Variants in TNRC18 observed in about 807,000 individuals in gnomAD.
TNRC18 encodes trinucleotide repeat-containing gene 18 protein.
A neutral mutation model predicts 226.7 loss-of-function variants in TNRC18; 69 were observed. That is an observed-to-expected ratio of 0.30 (90% confidence interval 0.25 to 0.37). The LOEUF (loss-of-function observed/expected upper bound fraction) is 0.37, where lower values mean the gene tolerates loss of function less well. TNRC18 is among the 10% of genes least tolerant of loss of function. The pLI is 1.00. For missense variants in TNRC18, 4,754 were observed against 4,256.6 expected, an observed-to-expected ratio of 1.12 and a Z score of -3.25; for synonymous variants, 2,449 against 1,927.6, an observed-to-expected ratio of 1.27 and a Z score of -7.09.
chr7:5,355,547 T>C (rs1422727139), intron 16 of TNRC18, among the ~76,000 whole-genome samples: 1 of 151,680 alleles, frequency 6.6e-6, no homozygotes, highest in Non-Finnish European at 1.5e-5. Flanking sequence ...AGGCCAGGAG[T>C]TCCAGACTAG....
chr7:5,329,471 G>T (rs1423767618), intron 19 of TNRC18, among the ~76,000 whole-genome samples: 1 of 151,758 alleles, frequency 6.6e-6, no homozygotes, highest in Non-Finnish European at 1.5e-5. Flanking sequence ...ATCATTTGAG[G>T]TCAGGAGTTC....
intron 5 of TNRC18, among the ~76,000 whole-genome samples, chr7:5,380,691 G>A (rs1779339067): frequency 1.3e-5 from 2 of 152,326 alleles, no homozygotes; most frequent in South Asian, 4.1e-4. Context: ...CCCTCAGTCA[G>A]GACTGCAAGG....
In TNRC18 at chr7:5,388,962, C is replaced by G; in HGVS notation, c.862G>C (p.Ala288Pro). 1.4e-6 allele frequency: 2 copies of G among 1,387,086 alleles called. No individual in the cohort carries two copies. The highest frequency in any genetic ancestry group is 1.9e-6 in the Non-Finnish European group (2 of 1,065,278). The allele number at this position is 1,387,086 out of a possible 1,614,324, so 85.9% of individuals were successfully genotyped here. ...AGCGCGGGCAGCCCCACGTCCCCGG[C>G]GCCGCCGTTGCACATGGTCAGTACC... ...PSVLTMCNGG[A>P]GDVGLPALVA... Residue 288 changes from alanine (A) to proline (P), a missense_variant, in exon 5 of 30, where the codon GCC becomes CCC. Ala to Pro is a conservative substitution (Grantham distance 27). Transcript: ENST00000430969.
chr7:5,390,763 C>T, intron 3 of TNRC18, 135 bp from the exon 4 acceptor site: 7 of 1,036,698 alleles, frequency 6.8e-6, no homozygotes, highest in Non-Finnish European at 9.5e-6. Flanking sequence ...ACAGCAGCTC[C>T]TCAGGGCAAT....
intron 24 of TNRC18, among the ~76,000 whole-genome samples, chr7:5,318,007 G>T (rs542950796): frequency 5.1e-4 from 77 of 152,166 alleles, no homozygotes; most frequent in African/African-American, 1.8e-3. Flanking sequence ...GAGTAGCTGG[G>T]ATTACAGGCA....
chr7:5,331,037 G>C (rs930722491), intron 19 of TNRC18, among the ~76,000 whole-genome samples: 1 of 152,140 alleles, frequency 6.6e-6, no homozygotes, highest in Non-Finnish European at 1.5e-5. Flanking sequence ...AAAAACCTGA[G>C]ATGGCCTCTG....
intron 18 of TNRC18, among the ~76,000 whole-genome samples, chr7:5,340,149 C>G (rs1790545321): frequency 6.6e-6 from 1 of 152,188 alleles, no homozygotes; most frequent in Admixed American, 6.5e-5. Context: ...AGAAGCAAGG[C>G]CTCTTGTGCC....
rs371145281 is a variant in TNRC18 at position 5,362,667 on chromosome 7, G to A, written c.4378C>T (p.Arg1460Cys). Residue 1460 changes from arginine to cysteine, a missense_variant, in exon 12 of 30, where the codon CGC (arginine) becomes TGC (cysteine). Physicochemically the swap from Arg to Cys is radical, Grantham distance 180. Transcript: ENST00000430969. ...LKPNKKYSWM[R>C]KKEERMYAMK... ...CCGCTCACCCGCTCCTCCTTCTTGC[G>A]CATCCAGCTGTACTTCTTGTTGGGC... The A allele has an allele frequency of 6.1e-5, 97 of 1,579,444 alleles. No homozygotes were observed. The highest frequency in any genetic ancestry group is 8.1e-5 in the African/African-American group (6 of 74,112).
At chr7:5,420,876 A>T in intron 2 of TNRC18, 184 bp downstream of exon 2, 1 of 769,490 alleles carries the variant, frequency 1.3e-6, no homozygotes, top group Non-Finnish European at 2.2e-6. Flanking sequence ...GAGCCGCGCG[A>T]CACTCTCCAC....
In TNRC18 at chr7:5,341,762, C is replaced by CA. The variant is rs34897154; in HGVS notation, c.5719+3799dup. Reference sequence around the variant, plus strand: ...CTGGCAAAAGAGCGAGACTCCGTCTCAAAAAAAAAAAAAAAAAAAAAGGGA... The same window carrying CA: ...CTGGCAAAAGAGCGAGACTCCGTCTCAAAAAAAAAAAAAAAAAAAAAAGGGA... On this transcript the variant is annotated intron_variant, in intron 18 of 29. Coordinates refer to ENST00000430969, the MANE Select transcript of TNRC18 (RefSeq NM_001080495.3). 7.7e-3 allele frequency among the ~76,000 whole-genome samples: 707 copies of CA among 92,062 alleles called. 7 individuals are homozygous for CA. Among genetic ancestry groups the CA allele is most frequent in the South Asian group, 0.016 (42 of 2,690 alleles). The allele number at this position is 92,062 out of a possible 152,430, so 60.4% of individuals were successfully genotyped here. A position where few individuals can be genotyped will look rare whatever the true frequency, so the allele number is the denominator to read the frequency against.
At chr7:5,308,736 A>T (rs1786866863) in intron 29 of TNRC18, 139 bp downstream of exon 29, 1 of 866,162 alleles carries the variant, frequency 1.2e-6, no homozygotes, top group Non-Finnish European at 1.8e-6. Flanking sequence ...AGGCACTGAG[A>T]GTGGCAGGGA....
intron 2 of TNRC18, among the ~76,000 whole-genome samples, chr7:5,395,596 G>T (rs1183297154): frequency 6.6e-6 from 1 of 152,220 alleles, no homozygotes; most frequent in Non-Finnish European, 1.5e-5. Context: ...CTGGCGCACG[G>T]GGCTTCCCTT....
intron 19 of TNRC18, among the ~76,000 whole-genome samples, chr7:5,327,414 T>A (rs1168462279): frequency 6.9e-6 from 1 of 144,228 alleles, no homozygotes; most frequent in Non-Finnish European, 1.6e-5. Flanking sequence ...TGTGTGTGTC[T>A]GTGTGTTTTA....
rs952014768 is a variant in TNRC18 at position 5,309,609 on chromosome 7, CTTCTTA to C, written c.8389-247_8389-242del. Among the ~76,000 whole-genome samples, 1 of 152,266 alleles carries C rather than the reference CTTCTTA, an allele frequency of 6.6e-6. No individual in the cohort carries two copies. Among genetic ancestry groups the C allele is most frequent in the African/African-American group, 2.4e-5 (1 of 41,474 alleles). On this transcript the variant is annotated intron_variant, in intron 27 of 29. Coordinates refer to ENST00000430969, the MANE Select transcript of TNRC18 (RefSeq NM_001080495.3). The surrounding 1 kb of genome is among the most constrained non-coding windows in gnomAD (Gnocchi z 5.7). ...ATCTAAGCATTCTGCCGCTACAAGA[CTTCTTA>C]TTTTTGAGACAGGGTCTCCCTCTGT...
At chr7:5,333,433 G>A (rs1354557424) in intron 18 of TNRC18, among the ~76,000 whole-genome samples, 3 of 152,236 alleles carry the variant, frequency 2.0e-5, no homozygotes, top group Non-Finnish European at 4.4e-5. Context: ...AACCCGCAGA[G>A]AATCCCCAAG....
intron 17 of TNRC18, among the ~76,000 whole-genome samples, chr7:5,347,002 C>G (rs532074736): frequency 6.6e-6 from 1 of 151,994 alleles, no homozygotes; most frequent in South Asian, 2.1e-4. Flanking sequence ...GTTAAGCACT[C>G]GGGCAGTAGA....
intron 16 of TNRC18, among the ~76,000 whole-genome samples, chr7:5,354,402 G>T (rs1443438717): frequency 6.6e-6 from 1 of 151,830 alleles, no homozygotes. Flanking sequence ...TGCATCCACA[G>T]ACCCCAATCC....
chr7:5,410,448 A>C (rs1427753609), intron 2 of TNRC18, among the ~76,000 whole-genome samples: 1 of 152,170 alleles, frequency 6.6e-6, no homozygotes, highest in South Asian at 2.1e-4. Context: ...AATACAAAAA[A>C]TTTCAGAATG....
intron 2 of TNRC18, among the ~76,000 whole-genome samples, chr7:5,417,124 C>T (rs1782241311): frequency 6.6e-6 from 1 of 151,368 alleles, no homozygotes; most frequent in South Asian, 2.1e-4. Context: ...CACTGCACTC[C>T]AGCCTGGGTG....
Sources: allele counts gnomAD v4.1 joint callset (sites outside exome capture counted in the v4.1 genomes callset), GRCh38; gene constraint gnomAD v4.1.1; non-coding constraint Gnocchi (gnomAD v3.1); transcripts MANE v1.5; gene names NCBI Gene and HGNC (gene_info 2026-07-23, HGNC 2026-07-21).